MTMR10: variants seen among roughly 807,000 people sequenced by gnomAD.
The protein encoded by MTMR10 is myotubularin related protein 10, also known as myotubularin-related protein 10.
A neutral mutation model predicts 88.1 loss-of-function variants in MTMR10; 56 were observed. The ratio of observed to expected loss-of-function variants is 0.64; its 90% confidence interval spans 0.51 to 0.79. The LOEUF is 0.79. MTMR10 is among the 30% of genes least tolerant of loss of function. The pLI is 0.00. For synonymous variants in MTMR10, 380 were observed against 340.9 expected (o/e 1.11, Z -1.26); for missense variants, 883 against 924.7 (o/e 0.95, Z 0.58).
intron 6 of MTMR10, among the ~76,000 whole-genome samples, 192 bp from the exon 7 acceptor site, chr15:30,961,265 G>A (rs543862733): frequency 1.3e-5 from 2 of 148,950 alleles, no homozygotes; most frequent in Admixed American, 6.7e-5. Context: ...ACGGAGTCTC[G>A]TTCTGTCGCC....
Position 30,940,634 on chromosome 15 carries a change from C to CAT in MTMR10, c.*835_*836insAT. The CAT allele has an allele frequency of 1.0e-6, 1 of 986,092 alleles. No individual in the cohort carries two copies. The highest frequency in any genetic ancestry group is 1.7e-5 in the African/African-American group (1 of 57,334). The allele number at this position is 986,092 out of a possible 1,614,324, so 61.1% of individuals were successfully genotyped here. A position where few individuals can be genotyped will look rare whatever the true frequency, so the allele number is the denominator to read the frequency against. On this transcript the variant is annotated 3_prime_UTR_variant, in exon 16 of 16. Coordinates refer to ENST00000435680, the MANE Select transcript of MTMR10 (RefSeq NM_017762.3). ...GGCACTCTCCTGTCTACAGCATACA[C>CAT]CTCTGTGGAATCAGCACCCCAGAGG...
chr15:30,927,896 C>G, the MTMR10 span: 10 of 985,772 alleles, frequency 1.0e-5, no homozygotes, highest in Non-Finnish European at 9.6e-6. Flanking sequence ...CACCTGACTT[C>G]TGTCTCTCAG....
intron 6 of MTMR10, among the ~76,000 whole-genome samples, 166 bp downstream of exon 6, chr15:30,967,754 C>A (rs2063489540): frequency 6.6e-6 from 1 of 152,134 alleles, no homozygotes; most frequent in African/African-American, 2.4e-5. Flanking sequence ...AAGAAATAAT[C>A]TGACAAACTA....
At position 30,940,658 on chromosome 15, in the gene MTMR10, G is replaced by A; in HGVS notation, c.*812C>T. Reference sequence around the variant, plus strand: ...ACCTCTGTGGAATCAGCACCCCAGAGGCCACTCCCCAGTGGCTTTCAGAGG... The same window carrying A: ...ACCTCTGTGGAATCAGCACCCCAGAAGCCACTCCCCAGTGGCTTTCAGAGG... On this transcript the variant is annotated 3_prime_UTR_variant, in exon 16 of 16. Transcript: ENST00000435680. The A allele has an allele frequency of 2.0e-6, 2 of 986,620 alleles. No homozygotes were observed. The highest frequency in any genetic ancestry group is 1.7e-5 in the African/African-American group (1 of 57,346). The allele number at this position is 986,620 out of a possible 1,614,324, so 61.1% of individuals were successfully genotyped here.
chr15:30,924,551 C>T, the MTMR10 span, among the ~76,000 whole-genome samples: 654 of 152,244 alleles, frequency 4.3e-3, 2 homozygotes, highest in African/African-American at 0.015. Flanking sequence ...CTCCTTGTGG[C>T]TTTCTGTGTT....
At position 30,947,103 on chromosome 15, in the gene MTMR10, CG is replaced by C. The variant is rs146938619; in HGVS notation, c.1548+26del. ...GATAAAGTTGTAAAAACAGGGAAAACGTAGCCACAGCCACAGGGTTGCTTAC... is the reference window on the plus strand; with the variant it reads ...GATAAAGTTGTAAAAACAGGGAAAACTAGCCACAGCCACAGGGTTGCTTAC... On this transcript the variant is annotated intron_variant, in intron 14 of 15. Transcript: ENST00000435680. The C allele has an allele frequency of 2.4e-3, 3,798 of 1,561,112 alleles. 61 individuals carry two copies. In the African/African-American group the frequency reaches 0.042, roughly 17 times the overall value.
the MTMR10 span, chr15:30,928,537 T>TGTGA: frequency 2.5e-6 from 4 of 1,612,806 alleles, no homozygotes; most frequent in Non-Finnish European, 3.4e-6. Context: ...TGTGTGTGTG[T>TGTGA]GTGACCTTGT....
At chr15:30,936,597 C>T (rs148455267), downstream of MTMR10, among the ~76,000 whole-genome samples, 7 of 152,326 alleles carry the variant, frequency 4.6e-5, no homozygotes, top group East Asian at 3.9e-4. Context: ...TACATACAGA[C>T]GCTTCTCAAC....
At chr15:30,933,184 GTTTT>G in the MTMR10 span, among the ~76,000 whole-genome samples, 2 of 151,932 alleles carry the variant, frequency 1.3e-5, no homozygotes, top group East Asian at 1.9e-4. Flanking sequence ...GGTTTCATTT[GTTTT>G]TTTATTTCCT....
the MTMR10 span, chr15:30,925,286 A>C: frequency 7.4e-6 from 12 of 1,613,712 alleles, no homozygotes; most frequent in African/African-American, 1.3e-5. Context: ...GCAAGATGTG[A>C]AACACGTGAG....
intron 12 of MTMR10, among the ~76,000 whole-genome samples, chr15:30,951,270 C>A (rs1470794216): frequency 2.0e-5 from 3 of 152,186 alleles, no homozygotes; most frequent in Non-Finnish European, 4.4e-5. Context: ...TCATCTCAAA[C>A]TGCTTCCTTA....
At chr15:30,944,656 C>G (rs139462577) in intron 14 of MTMR10, among the ~76,000 whole-genome samples, 210 of 151,900 alleles carry the variant, frequency 1.4e-3, no homozygotes, top group African/African-American at 4.8e-3. Context: ...CTGTTAAGAG[C>G]TGAAATCTAG....
At chr15:30,929,703 T>C in the MTMR10 span, among the ~76,000 whole-genome samples, 1 of 102,600 alleles carries the variant, frequency 9.7e-6, no homozygotes, top group African/African-American at 4.4e-5. Context: ...AAATATATAT[T>C]ATATCATATA....
At chr15:30,930,571 T>C in the MTMR10 span, 4 of 1,606,956 alleles carry the variant, frequency 2.5e-6, no homozygotes, top group South Asian at 4.4e-5. Flanking sequence ...GGGGGCCCTG[T>C]GCTCAGTGGT....
chr15:30,970,042 T>C (rs2063519208), intron 5 of MTMR10, among the ~76,000 whole-genome samples: 1 of 152,148 alleles, frequency 6.6e-6, no homozygotes, highest in Admixed American at 6.5e-5. Flanking sequence ...AAGTGCTTAT[T>C]TTGCTTTACT....
chr15:30,941,924 G>A lies in MTMR10; in HGVS notation c.1880C>T (p.Thr627Met), dbSNP rs376403890. 63 of 1,613,872 alleles carry A rather than the reference G, an allele frequency of 3.9e-5. No individual in the cohort carries two copies. Among genetic ancestry groups the A allele is most frequent in the Admixed American group, 1.7e-4 (10 of 60,006 alleles). ...AAACCATTCTCTAAAATACTGCTCC[G>A]TATCACTGTTCTGGCTGTCGGTTTG... Reference protein sequence around the residue: ...AQQTDSQNSDTEQYFREWFSK... With the variant: ...AQQTDSQNSDMEQYFREWFSK... The change falls in exon 16 of 16, where the codon ACG becomes ATG. Residue 627 changes from threonine (T) to methionine (M), a missense_variant. Thr to Met is a moderately conservative substitution (Grantham distance 81, BLOSUM62 -1). This residue lies in a region of MTMR10 where 343 missense variants were observed against 323.2 expected (regional missense o/e 1.06). Coordinates refer to ENST00000435680, the MANE Select transcript of MTMR10 (RefSeq NM_017762.3).
chr15:30,983,931 G>A (rs1256683089), intron 2 of MTMR10, among the ~76,000 whole-genome samples: 4 of 152,142 alleles, frequency 2.6e-5, no homozygotes, highest in Non-Finnish European at 5.9e-5. Flanking sequence ...GATAGGATGG[G>A]GCAGGAGGAA....
chr15:30,927,263 G>A, the MTMR10 span: 1 of 985,400 alleles, frequency 1.0e-6, no homozygotes, highest in African/African-American at 1.7e-5. Context: ...ATTCCTGCCT[G>A]ATCGTCAGTG....
chr15:30,987,333 G>GA (rs770310386), intron 2 of MTMR10, among the ~76,000 whole-genome samples: 2 of 152,186 alleles, frequency 1.3e-5, no homozygotes, highest in Non-Finnish European at 2.9e-5. Context: ...GGCACTTTGT[G>GA]AGACATCAAG....
Sources: gnomAD v4.1 joint callset for allele counts (sites outside exome capture counted in the v4.1 genomes callset) on GRCh38, gnomAD v4.1.1 for gene constraint, gnomAD v4.1.1 regional missense constraint, MANE v1.5 for transcripts, NCBI Gene and HGNC (gene_info 2026-07-23, HGNC 2026-07-21) for gene names.